The following ZHX2 variants were observed in gnomAD, a reference collection of about 807,000 sequenced individuals.
ZHX2 encodes zinc fingers and homeoboxes protein 2.
ZHX2 carries 6 observed loss-of-function variants against 21.9 expected under a neutral mutation model. That is an observed-to-expected ratio of 0.27 (90% confidence interval 0.15 to 0.54). ZHX2 has a LOEUF of 0.54. ZHX2 is among the 20% of genes least tolerant of loss of function. The pLI is 0.95. For synonymous variants in ZHX2, 434 were observed against 437.1 expected, an observed-to-expected ratio of 0.99 and a Z score of 0.09; for missense variants, 908 against 1,090.7, an observed-to-expected ratio of 0.83 and a Z score of 2.36.
chr8:122,819,696 A>G (rs1451078835), intron 1 of ZHX2, among the ~76,000 whole-genome samples: 2 of 152,218 alleles, frequency 1.3e-5, no homozygotes, highest in East Asian at 3.9e-4. Flanking sequence ...GCCTGGCCCC[A>G]CAGGCATCGG....
At chr8:122,926,533 C>T (rs756099466) in intron 2 of ZHX2, among the ~76,000 whole-genome samples, 2 of 152,232 alleles carry the variant, frequency 1.3e-5, no homozygotes, top group African/African-American at 2.4e-5. Flanking sequence ...GATAGTTCCA[C>T]GGCCCATCGC....
At chr8:122,839,622 G>A (rs1463577873) in intron 1 of ZHX2, among the ~76,000 whole-genome samples, 2 of 152,334 alleles carry the variant, frequency 1.3e-5, no homozygotes, top group Admixed American at 1.3e-4. Flanking sequence ...GTTTAGGCCA[G>A]TGTTTTCCTA....
In ZHX2 at chr8:122,915,272, G is replaced by C. The variant is rs377122756; in HGVS notation, c.-219-36020G>C. Among the ~76,000 whole-genome samples, 6 of 152,288 alleles carry C rather than the reference G, an allele frequency of 3.9e-5. No individual in the cohort carries two copies. The East Asian group carries it at 9.6e-4, about 24-fold the overall frequency. On this transcript the variant is annotated intron_variant, in intron 2 of 3. Transcript: ENST00000314393. Reference sequence around the variant, plus strand: ...CCATGTGGATGCCTTCCCAGAGTTAGAATGGATAGAAGGGCCTGAGATCTT... The same window carrying C: ...CCATGTGGATGCCTTCCCAGAGTTACAATGGATAGAAGGGCCTGAGATCTT...
At chr8:122,882,866 C>A (rs113370462) in intron 2 of ZHX2, among the ~76,000 whole-genome samples, 4,202 of 152,142 alleles carry the variant, frequency 0.028, 177 homozygotes, top group African/African-American at 0.095. Context: ...CCTGTAATCC[C>A]AGCTACTCAG....
At chr8:122,865,428 G>A (rs867876868) in intron 2 of ZHX2, among the ~76,000 whole-genome samples, 9 of 152,160 alleles carry the variant, frequency 5.9e-5, no homozygotes, top group Non-Finnish European at 8.8e-5. Context: ...ACGCCCGGCC[G>A]ACTTGGCAAG....
At chr8:122,896,040 CAG>C (rs1820091401) in intron 2 of ZHX2, among the ~76,000 whole-genome samples, 1 of 152,048 alleles carries the variant, frequency 6.6e-6, no homozygotes. Flanking sequence ...TCTCTGCTGA[CAG>C]GAGGGGCTGA....
At chr8:122,937,584 CT>C (rs11297115) in intron 2 of ZHX2, among the ~76,000 whole-genome samples, 92,484 of 146,020 alleles carry the variant, frequency 0.63, 29,806 homozygotes, top group East Asian at 0.76. Context: ...CGTCTATTAT[CT>C]TTTTTTTTTT....
chr8:122,953,936 A>C lies in ZHX2; in HGVS notation c.2426A>C (p.Asp809Ala). ...GEEDAISDRSDSWSQAAAEGV... is the reference protein window; with the variant it reads ...GEEDAISDRSASWSQAAAEGV... ...GAGGATGCGATCTCAGATAGATCAG[A>C]TAGCTGGAGTCAGGCTGCGGCAGAA... Residue 809 changes from aspartate (D) to alanine (A), a missense_variant, in exon 3 of 4, where the codon GAT becomes GCT. Transcript: ENST00000314393. The surrounding 1 kb of genome is among the most constrained non-coding windows in gnomAD (Gnocchi z 4.6). 6.2e-7 allele frequency: 1 copy of C among 1,614,162 alleles called. No homozygotes were observed. Among genetic ancestry groups the C allele is most frequent in the Admixed American group, 1.7e-5 (1 of 60,020 alleles).
At chr8:122,800,722 T>A (rs1203718055) in intron 1 of ZHX2, among the ~76,000 whole-genome samples, 1 of 152,050 alleles carries the variant, frequency 6.6e-6, no homozygotes, top group Non-Finnish European at 1.5e-5. Flanking sequence ...ATAGCTGTGG[T>A]CACTGAAAAG....
At chr8:122,816,054 T>C (rs1586584997) in intron 1 of ZHX2, among the ~76,000 whole-genome samples, 2 of 122,736 alleles carry the variant, frequency 1.6e-5, no homozygotes, top group East Asian at 2.4e-4. Flanking sequence ...CACTCCAGCC[T>C]GGGCGACAGA....
chr8:122,843,926 C>T (rs1175804188), intron 1 of ZHX2, among the ~76,000 whole-genome samples: 2 of 150,728 alleles, frequency 1.3e-5, no homozygotes, highest in Admixed American at 6.6e-5. Flanking sequence ...GCTGTGAGAG[C>T]TTTTTCTACA....
At chr8:122,894,595 A>G (rs190422092) in intron 2 of ZHX2, among the ~76,000 whole-genome samples, 154 of 152,312 alleles carry the variant, frequency 1.0e-3, no homozygotes, top group African/African-American at 3.6e-3. Flanking sequence ...GAATTGAACA[A>G]TGAGAACACA....
chr8:122,832,755 G>T (rs929418289), intron 1 of ZHX2, among the ~76,000 whole-genome samples: 2 of 152,112 alleles, frequency 1.3e-5, no homozygotes, highest in African/African-American at 2.4e-5. Context: ...AGGGATATGC[G>T]GTCGGTTGTG....
chr8:122,788,323 C>A (rs1192410004), intron 1 of ZHX2, among the ~76,000 whole-genome samples: 1 of 152,068 alleles, frequency 6.6e-6, no homozygotes, highest in Admixed American at 6.5e-5. Context: ...TTTGGGAGGC[C>A]GAGGCAGGTG....
chr8:122,792,945 G>A (rs529851442), intron 1 of ZHX2, among the ~76,000 whole-genome samples: 1 of 152,264 alleles, frequency 6.6e-6, no homozygotes, highest in South Asian at 2.1e-4. Context: ...AGTGTATAGG[G>A]CACTGTGCTC....
chr8:122,805,343 C>T (rs898287532), intron 1 of ZHX2, among the ~76,000 whole-genome samples: 1 of 152,144 alleles, frequency 6.6e-6, no homozygotes, highest in East Asian at 1.9e-4. Flanking sequence ...ATGGGCTGCT[C>T]CCTGAAGGGG....
In ZHX2 at chr8:122,945,168, C is replaced by T. The variant is rs578142585; in HGVS notation, c.-219-6124C>T. On this transcript the variant is annotated intron_variant, in intron 2 of 3. Coordinates refer to ENST00000314393, the MANE Select transcript of ZHX2 (RefSeq NM_014943.5). ...TGGCATTTTGTCATGGCAGCCCTAGCGAACTAATGTACCAGCTACGAACTC... is the reference window on the plus strand; with the variant it reads ...TGGCATTTTGTCATGGCAGCCCTAGTGAACTAATGTACCAGCTACGAACTC... Among the ~76,000 whole-genome samples, 60 of 152,236 alleles carry T rather than the reference C, an allele frequency of 3.9e-4. 1 individual carries two copies. In the Middle Eastern group the frequency reaches 0.01, roughly 26 times the overall value.
intron 1 of ZHX2, among the ~76,000 whole-genome samples, chr8:122,813,188 C>G (rs1056074950): frequency 2.8e-5 from 4 of 144,358 alleles, no homozygotes; most frequent in African/African-American, 1.0e-4. Flanking sequence ...AAGAGTGAAA[C>G]TCTGTCTCAA....
chr8:122,805,150 G>T (rs571101224), intron 1 of ZHX2, among the ~76,000 whole-genome samples: 50 of 152,280 alleles, frequency 3.3e-4, no homozygotes, highest in African/African-American at 1.1e-3. Flanking sequence ...CAAAGGAAGC[G>T]CTGGGTGGGG....
Sources: allele counts gnomAD v4.1 joint callset (sites outside exome capture counted in the v4.1 genomes callset), GRCh38; gene constraint gnomAD v4.1.1; non-coding constraint Gnocchi (gnomAD v3.1); transcripts MANE v1.5; gene names NCBI Gene and HGNC (gene_info 2026-07-23, HGNC 2026-07-21).